Variants in ANO5 observed in about 807,000 individuals in gnomAD.
The protein encoded by ANO5 is anoctamin 5.
In ANO5, 109 loss-of-function variants were observed where a neutral mutation model predicts 121.0. That is an observed-to-expected ratio of 0.90 (90% CI 0.77 to 1.06). ANO5 has a LOEUF of 1.06. Ranked by LOEUF, ANO5 falls within the 50% of genes least tolerant of loss-of-function variation. The pLI is 0.00. For missense variants in ANO5, 1,064 were observed against 1,078.5 expected (o/e 0.99, Z 0.19); for synonymous variants, 406 against 359.9 (o/e 1.13, Z -1.45).
At chr11:22,232,336 T>A (rs1202944859) in intron 7 of ANO5, among the ~76,000 whole-genome samples, 2 of 151,998 alleles carry the variant, frequency 1.3e-5, no homozygotes, top group Non-Finnish European at 2.9e-5. Context: ...TTTTGTGAAG[T>A]ACCTGCTAAA....
chr11:22,200,447 T>G (rs1261159770), intron 1 of ANO5, among the ~76,000 whole-genome samples: 2 of 152,214 alleles, frequency 1.3e-5, no homozygotes, highest in East Asian at 1.9e-4. Context: ...CAGCGCTTCA[T>G]GCATTCTTCC....
chr11:22,211,203 G>A, intron 2 of ANO5, 61 bp from the exon 3 acceptor site: 1 of 1,559,576 alleles, frequency 6.4e-7, no homozygotes, highest in Non-Finnish European at 8.8e-7. Flanking sequence ...AAACTTAAAA[G>A]CACCCTTTGC....
intron 8 of ANO5, among the ~76,000 whole-genome samples, chr11:22,237,295 C>T (rs1435772733): frequency 1.3e-5 from 2 of 152,100 alleles, no homozygotes; most frequent in Non-Finnish European, 1.5e-5. Context: ...TACAGTGTTG[C>T]TGTAATAGTT....
rs1479988267 is a variant in ANO5 at position 22,251,816 on chromosome 11, G to A, written c.1180+805G>A. Among the ~76,000 whole-genome samples the A allele has an allele frequency of 2.0e-5, 3 of 151,596 alleles. No homozygotes were observed. In the East Asian group the frequency reaches 5.8e-4, roughly 29 times the overall value. On this transcript the variant is annotated intron_variant, in intron 12 of 21. Transcript: ENST00000324559. ...CTGAGGTGGGCAGATCACGAGGTCA[G>A]GAGATCGAGATTACCCTGGCTAACA...
chr11:22,250,476 A>G, intron 10 of ANO5, 105 bp downstream of exon 10: 1 of 1,469,596 alleles, frequency 6.8e-7, no homozygotes, highest in Admixed American at 1.8e-5. Flanking sequence ...GTTTCCTTAT[A>G]GCAGCAGATA....
upstream of ANO5, among the ~76,000 whole-genome samples, chr11:22,192,662 G>A (rs1851684329): frequency 6.6e-6 from 1 of 152,238 alleles, no homozygotes; most frequent in Non-Finnish European, 1.5e-5. Context: ...TGAAGACCCG[G>A]CCAACCGGCT....
At chr11:22,234,939 A>C (rs1331547653) in intron 7 of ANO5, among the ~76,000 whole-genome samples, 2 of 151,994 alleles carry the variant, frequency 1.3e-5, no homozygotes. Flanking sequence ...CCTACCCTCA[A>C]CTTGAGCCAG....
intron 3 of ANO5, among the ~76,000 whole-genome samples, chr11:22,217,104 A>T (rs972073574): frequency 7.2e-5 from 11 of 152,074 alleles, no homozygotes; most frequent in Admixed American, 7.2e-4. Context: ...TCCTCTGTCT[A>T]TATATAGAAG....
intron 12 of ANO5, among the ~76,000 whole-genome samples, chr11:22,255,034 A>C (rs1853947549): frequency 6.6e-6 from 1 of 152,182 alleles, no homozygotes; most frequent in Non-Finnish European, 1.5e-5. Flanking sequence ...TAAAAGATAC[A>C]TGCAAAAAAA....
chr11:22,196,324 G>T (rs1425110754), intron 1 of ANO5, among the ~76,000 whole-genome samples: 1 of 152,000 alleles, frequency 6.6e-6, no homozygotes, highest in Non-Finnish European at 1.5e-5. Context: ...TGTAACTGTT[G>T]CACTCCCATG....
chr11:22,233,802 T>C (rs1262478282), intron 7 of ANO5, among the ~76,000 whole-genome samples: 2 of 133,064 alleles, frequency 1.5e-5, no homozygotes, highest in African/African-American at 4.9e-5. Flanking sequence ...ACTGTCATAA[T>C]AAGCAGAAGT....
intron 9 of ANO5, among the ~76,000 whole-genome samples, chr11:22,244,608 T>G (rs916701026): frequency 3.3e-5 from 5 of 150,350 alleles, no homozygotes; most frequent in Admixed American, 3.3e-4. Flanking sequence ...TTTGTCTGGC[T>G]CAGTTGATTT....
At chr11:22,218,180 T>C in intron 3 of ANO5, 66 bp from the exon 4 acceptor site, 3 of 1,538,408 alleles carry the variant, frequency 2.0e-6, no homozygotes, top group East Asian at 4.7e-5. Context: ...TGTCTTTGTC[T>C]TTTTTTTGGA....
At position 22,282,466 on chromosome 11, in the gene ANO5, T is replaced by C. The variant is rs569043191; in HGVS notation, c.*2701T>C. On this transcript the variant is annotated 3_prime_UTR_variant, in exon 22 of 22. Transcript: ENST00000324559. ...CATTCTTCTTTTAACCAAGCCATTA[T>C]GCAAAGTTATCAAAGAAGAGGAGAA... is the stretch of plus-strand genomic sequence containing the variant. 1 of 152,250 alleles carries C rather than the reference T, an allele frequency of 6.6e-6. No individual in the cohort carries two copies. The highest frequency in any genetic ancestry group is 2.1e-4 in the South Asian group (1 of 4,822). The allele number at this position is 152,250 out of a possible 1,614,324, so 9.4% of individuals were successfully genotyped here.
At chr11:22,242,491 C>T (rs189549075) in intron 9 of ANO5, among the ~76,000 whole-genome samples, 2 of 151,998 alleles carry the variant, frequency 1.3e-5, no homozygotes, top group Admixed American at 6.6e-5. Context: ...GGCAGTATGG[C>T]CATTTTAATG....
chr11:22,262,946 T>G lies in ANO5; in HGVS notation c.1801T>G (p.Cys601Gly). ...TTTCTCCCCTCTTGCTTCTGACTAGTGTGATCCTGGAGGCTGTCTTATAGA... is the reference window on the plus strand; with the variant it reads ...TTTCTCCCCTCTTGCTTCTGACTAGGGTGATCCTGGAGGCTGTCTTATAGA... ...YLFNEWRSEE[C>G]DPGGCLIELT... Residue 601 changes from cysteine to glycine, a missense_variant and splice_region_variant, in exon 17 of 22, where the codon TGT (cysteine) becomes GGT (glycine). Cys to Gly is a radical substitution (Grantham distance 159). Coordinates refer to ENST00000324559, the MANE Select transcript of ANO5 (RefSeq NM_213599.3). 2.5e-6 allele frequency: 4 copies of G among 1,610,424 alleles called. No individual in the cohort carries two copies. Among genetic ancestry groups the G allele is most frequent in the African/African-American group, 2.7e-5 (2 of 74,962 alleles).
chr11:22,231,410 A>G (rs1479326878), intron 7 of ANO5, among the ~76,000 whole-genome samples: 2 of 151,864 alleles, frequency 1.3e-5, no homozygotes, highest in Admixed American at 1.3e-4. Context: ...CATTAAAGAG[A>G]TGTATATCAT....
At chr11:22,246,188 C>G (rs1158173170) in intron 9 of ANO5, among the ~76,000 whole-genome samples, 1 of 152,182 alleles carries the variant, frequency 6.6e-6, no homozygotes, top group Non-Finnish European at 1.5e-5. Context: ...GCTGCCACTT[C>G]CAGTCTCACT....
chr11:22,267,262 T>G (rs1479439545), intron 17 of ANO5, among the ~76,000 whole-genome samples: 1 of 151,882 alleles, frequency 6.6e-6, no homozygotes, highest in African/African-American at 2.4e-5. Context: ...TTTTTCACTT[T>G]CAAATTCTAA....
Sources: allele counts gnomAD v4.1 joint callset (sites outside exome capture counted in the v4.1 genomes callset), GRCh38; gene constraint gnomAD v4.1.1; transcripts MANE v1.5; gene names NCBI Gene and HGNC (gene_info 2026-07-23, HGNC 2026-07-21).